The following BTBD16 variants were observed in gnomAD, a reference collection of about 807,000 sequenced individuals.
BTBD16 encodes BTB domain containing 16, also known as BTB/POZ domain-containing protein 16.
Under a neutral mutation model 67.4 loss-of-function variants are expected in BTBD16, and 66 were observed. The observed-to-expected ratio is 0.98, with a 90% CI of 0.80 to 1.20. The LOEUF is 1.20. Ranked by LOEUF, BTBD16 falls within the 50% of genes most tolerant of loss-of-function variation. The pLI is 0.00. For missense variants in BTBD16, 634 were observed against 616.0 expected, an observed-to-expected ratio of 1.03 and a Z score of -0.31; for synonymous variants, 242 against 236.4, an observed-to-expected ratio of 1.02 and a Z score of -0.22.
At chr10:122,335,987 A>G (rs2096462689) in intron 14 of BTBD16, among the ~76,000 whole-genome samples, 1 of 152,182 alleles carries the variant, frequency 6.6e-6, no homozygotes, top group Non-Finnish European at 1.5e-5. Flanking sequence ...TGACTGAATA[A>G]ATGAATGGAT....
chr10:122,285,634 G>A (rs1214819506), intron 4 of BTBD16, among the ~76,000 whole-genome samples: 2 of 152,072 alleles, frequency 1.3e-5, no homozygotes, highest in Non-Finnish European at 2.9e-5. Context: ...TAGATGCCAG[G>A]GCTGCTACTG....
intron 7 of BTBD16, chr10:122,294,070 T>G: frequency 1.0e-6 from 1 of 952,748 alleles, no homozygotes; most frequent in Non-Finnish European, 1.3e-6. Flanking sequence ...TAGGCTTGCC[T>G]GAAGCTGATG....
chr10:122,329,791 T>C (rs2096452198), intron 11 of BTBD16, among the ~76,000 whole-genome samples: 2 of 152,358 alleles, frequency 1.3e-5, no homozygotes, highest in East Asian at 1.9e-4. Flanking sequence ...TGATGAAATA[T>C]AGTGATGGCT....
At chr10:122,324,399 G>A (rs1461364990) in intron 10 of BTBD16, among the ~76,000 whole-genome samples, 1 of 152,180 alleles carries the variant, frequency 6.6e-6, no homozygotes, top group Admixed American at 6.5e-5. Context: ...ATTTCTTGAG[G>A]GCAATGTGCT....
chr10:122,322,667 G>T (rs549485191), intron 10 of BTBD16, among the ~76,000 whole-genome samples: 2 of 152,310 alleles, frequency 1.3e-5, no homozygotes, highest in African/African-American at 4.8e-5. Flanking sequence ...GGCACCTGTG[G>T]AAGATGATCT....
chr10:122,272,358 C>T (rs182541288), intron 1 of BTBD16, among the ~76,000 whole-genome samples: 3 of 152,166 alleles, frequency 2.0e-5, no homozygotes, highest in African/African-American at 7.2e-5. Context: ...TCTTTCCCCT[C>T]GAGACAGAGT....
At chr10:122,311,004 G>C (rs1021117521) in intron 10 of BTBD16, among the ~76,000 whole-genome samples, 2 of 120,980 alleles carry the variant, frequency 1.7e-5, no homozygotes, top group African/African-American at 7.1e-5. Flanking sequence ...GCAGTGTCCG[G>C]AAGACAGGCT....
chr10:122,284,024 A>C, intron 4 of BTBD16, 100 bp downstream of exon 4: 1 of 838,654 alleles, frequency 1.2e-6, no homozygotes, highest in Non-Finnish European at 2.0e-6. Context: ...CCAGGGCGCT[A>C]GTGTATAAGT....
intron 15 of BTBD16, among the ~76,000 whole-genome samples, chr10:122,337,716 C>T (rs143347217): frequency 0.015 from 2,225 of 152,284 alleles, 16 homozygotes; most frequent in Non-Finnish European, 0.021. Flanking sequence ...CCATCCACCT[C>T]GGCCTCCCAA....
chr10:122,317,855 C>T (rs1272379884), intron 10 of BTBD16, among the ~76,000 whole-genome samples: 2 of 152,090 alleles, frequency 1.3e-5, no homozygotes, highest in Non-Finnish European at 2.9e-5. Flanking sequence ...GGAATACCTC[C>T]TGAAGGTCCT....
intron 8 of BTBD16, among the ~76,000 whole-genome samples, 184 bp from the exon 9 acceptor site, chr10:122,298,820 C>T (rs1002751766): frequency 6.6e-6 from 1 of 152,184 alleles, no homozygotes; most frequent in Non-Finnish European, 1.5e-5. Flanking sequence ...CAACTGAGTG[C>T]AGCGCCTCGA....
intron 5 of BTBD16, 21 bp downstream of exon 5, chr10:122,286,269 A>G: frequency 6.3e-7 from 1 of 1,590,944 alleles, no homozygotes; most frequent in Non-Finnish European, 8.6e-7. Context: ...CCTGGCACCC[A>G]GTGCTGGAGC....
intron 7 of BTBD16, among the ~76,000 whole-genome samples, chr10:122,296,578 G>A (rs1232900047): frequency 6.6e-6 from 1 of 152,206 alleles, no homozygotes; most frequent in Non-Finnish European, 1.5e-5. Context: ...ATACTTCAAA[G>A]CAATTTTGCT....
At chr10:122,280,396 CAG>C (rs200618465) in intron 3 of BTBD16, among the ~76,000 whole-genome samples, 1,882 of 152,114 alleles carry the variant, frequency 0.012, 18 homozygotes, top group Middle Eastern at 0.027. Flanking sequence ...CACGAAGGCT[CAG>C]GGGGTTGTGG....
intron 5 of BTBD16, chr10:122,287,434 A>T (rs1356068894): frequency 3.0e-6 from 3 of 985,318 alleles, no homozygotes; most frequent in Non-Finnish European, 3.6e-6. Flanking sequence ...CCCTGCTAAG[A>T]CAGCCACTCT....
chr10:122,279,075 G>T (rs2096346786), intron 3 of BTBD16, among the ~76,000 whole-genome samples: 1 of 152,224 alleles, frequency 6.6e-6, no homozygotes, highest in African/African-American at 2.4e-5. Flanking sequence ...TCTCCTTATG[G>T]AGAGAAACTT....
chr10:122,275,958 G>C (rs1488728273), intron 2 of BTBD16, among the ~76,000 whole-genome samples: 1 of 152,136 alleles, frequency 6.6e-6, no homozygotes, highest in Non-Finnish European at 1.5e-5. Flanking sequence ...AAAAACCCAA[G>C]TGTCCATCAA....
chr10:122,334,888 C>A lies in BTBD16; in HGVS notation c.1172C>A (p.Thr391Lys). Residue 391 changes from threonine to lysine, a missense_variant, in exon 14 of 16, where the codon ACA (threonine) becomes AAA (lysine). Physicochemically the swap from Thr to Lys is moderately conservative, Grantham distance 78. Transcript: ENST00000260723. ...RFGLLFNQEN[T>K]TYSKTIALYG... ...TTCTCTTTCCCAATTTAGGAGAATACAACTTATTCGAAAACGATTGCTCTA... is the reference window on the plus strand; with the variant it reads ...TTCTCTTTCCCAATTTAGGAGAATAAAACTTATTCGAAAACGATTGCTCTA... 6.5e-7 allele frequency: 1 copy of A among 1,549,790 alleles called. No homozygotes were observed.
At chr10:122,283,246 G>T (rs961381060) in intron 3 of BTBD16, among the ~76,000 whole-genome samples, 1 of 152,230 alleles carries the variant, frequency 6.6e-6, no homozygotes, top group Non-Finnish European at 1.5e-5. Flanking sequence ...TTAGACGAAG[G>T]CTATAGCAAG....
Sources: gnomAD v4.1 joint callset for allele counts (sites outside exome capture counted in the v4.1 genomes callset) on GRCh38, gnomAD v4.1.1 for gene constraint, MANE v1.5 for transcripts, NCBI Gene and HGNC (gene_info 2026-07-23, HGNC 2026-07-21) for gene names.